The following CCNG2 variants were observed in gnomAD, a reference collection of about 807,000 sequenced individuals.
The protein encoded by CCNG2 is cyclin G2, also known as cyclin-G2.
A neutral mutation model predicts 36.5 loss-of-function variants in CCNG2; 20 were observed. The observed-to-expected ratio is 0.55, with a 90% CI of 0.39 to 0.80. The LOEUF (loss-of-function observed/expected upper bound fraction) is 0.80. CCNG2 is among the 30% of genes least tolerant of loss of function. The probability of loss-of-function intolerance (pLI) is 0.00; values close to 1 mark genes in which losing one functional copy is unlikely to be tolerated. For missense variants in CCNG2, 358 were observed against 390.8 expected (o/e 0.92, Z 0.71); for synonymous variants, 155 against 140.1 (o/e 1.11, Z -0.75).
chr4:77,162,111 C>T lies in CCNG2; in HGVS notation c.705+364C>T, dbSNP rs552404761. On this transcript the variant is annotated intron_variant, in intron 6 of 7. Coordinates refer to ENST00000316355, the MANE Select transcript of CCNG2 (RefSeq NM_004354.3). ...ATGGGATCCCATCACACCTGTAGGA[C>T]TGAACTGTCATCCCATTAGCAGCAG... Among the ~76,000 whole-genome samples, 16 of 152,338 alleles carry T rather than the reference C, an allele frequency of 1.1e-4. No individual in the cohort carries two copies. The East Asian group carries it at 3.1e-3, about 29-fold the overall frequency.
chr4:77,164,838 CTT>C (rs1384900629), intron 7 of CCNG2: 3 of 161,022 alleles, frequency 1.9e-5, no homozygotes, highest in East Asian at 1.8e-4. Context: ...CACTCGGCCT[CTT>C]TTCCCTTTTT....
intron 2 of CCNG2, 83 bp downstream of exon 2, chr4:77,158,753 C>T: frequency 2.8e-6 from 4 of 1,412,270 alleles, no homozygotes; most frequent in Non-Finnish European, 2.9e-6. Context: ...TGAATCATGA[C>T]TAAAGCCTGC....
intron 6 of CCNG2, among the ~76,000 whole-genome samples, chr4:77,163,145 T>TGAA (rs1731531926): frequency 6.6e-6 from 1 of 152,128 alleles, no homozygotes; most frequent in Admixed American, 6.5e-5. Context: ...GAATTTCTCA[T>TGAA]GAAGAAGCAG....
intron 3 of CCNG2, 85 bp from the exon 4 acceptor site, chr4:77,160,636 A>G (rs1193487485): frequency 7.5e-7 from 1 of 1,332,804 alleles, no homozygotes; most frequent in East Asian, 2.3e-5. Flanking sequence ...TTCTGTCTTA[A>G]GAATAGGAGC....
chr4:77,159,563 A>C, intron 3 of CCNG2, 59 bp downstream of exon 3: 1 of 1,518,690 alleles, frequency 6.6e-7, no homozygotes, highest in Non-Finnish European at 9.0e-7. Flanking sequence ...CCTAGCACAC[A>C]GGGTTCAAGA....
At position 77,158,523 on chromosome 4, in the gene CCNG2, T is replaced by C; in HGVS notation, c.1-10T>C. ...CAGATTACATTCTCTGTGTGGTGTCTTTACTGCAGATGAAGGATTTGGGGG... is the reference window on the plus strand; with the variant it reads ...CAGATTACATTCTCTGTGTGGTGTCCTTACTGCAGATGAAGGATTTGGGGG... On this transcript the variant is annotated splice_polypyrimidine_tract_variant and intron_variant, in intron 1 of 7. Transcript: ENST00000316355. 1.2e-6 allele frequency: 2 copies of C among 1,614,106 alleles called. No individual in the cohort carries two copies. The highest frequency in any genetic ancestry group is 1.7e-6 in the Non-Finnish European group (2 of 1,179,970).
At position 77,161,690 on chromosome 4, in the gene CCNG2, A is replaced by G; in HGVS notation, c.648A>G (p.Glu216=). 2 of 1,610,138 alleles carry G rather than the reference A, an allele frequency of 1.2e-6. No individual in the cohort carries two copies. The highest frequency in any genetic ancestry group is 1.7e-6 in the Non-Finnish European group (2 of 1,178,612). ...LALCLLNLEV[E]TLKSVELLEI... is the part of the protein sequence containing the mutation. ...TGTGCCTTCTCAATTTGGAAGTGGA[A>G]ACTTTGAAATCTGTTGAATTACTGG... Residue 216 remains glutamate, a synonymous_variant, in exon 6 of 8, where the codon GAA becomes GAG. Coordinates refer to ENST00000316355, the MANE Select transcript of CCNG2 (RefSeq NM_004354.3).
chr4:77,165,379 G>T (rs1226547559), intron 7 of CCNG2, among the ~76,000 whole-genome samples: 2 of 151,410 alleles, frequency 1.3e-5, no homozygotes, highest in Admixed American at 1.3e-4. Flanking sequence ...TAATAGTTTG[G>T]CAAATAGTAA....
chr4:77,157,968 C>T (rs949292208), intron 1 of CCNG2, among the ~76,000 whole-genome samples: 4 of 152,004 alleles, frequency 2.6e-5, no homozygotes, highest in African/African-American at 7.2e-5. Context: ...ATCCGCCTCT[C>T]GGGTAAGTCC....
chr4:77,164,557 G>A lies in CCNG2; in HGVS notation c.911+78G>A. ...TTATTATACTCAGAACTGGAATAGTGTAAGACATCAGAGAAAGCAAGCACC... is the reference window on the plus strand; with the variant it reads ...TTATTATACTCAGAACTGGAATAGTATAAGACATCAGAGAAAGCAAGCACC... On this transcript the variant is annotated intron_variant, in intron 7 of 7. Coordinates refer to ENST00000316355, the MANE Select transcript of CCNG2 (RefSeq NM_004354.3). 6 of 1,071,542 alleles carry A rather than the reference G, an allele frequency of 5.6e-6. 1 individual carries two copies. Among genetic ancestry groups the A allele is most frequent in the South Asian group, 4.4e-5 (3 of 68,566 alleles). 66.4% of individuals were successfully genotyped at this position (1,071,542 alleles called of 1,614,324 possible).
At position 77,158,526 on chromosome 4, in the gene CCNG2, A is replaced by G; in HGVS notation, c.1-7A>G. On this transcript the variant is annotated splice_polypyrimidine_tract_variant and splice_region_variant and intron_variant, in intron 1 of 7. Transcript: ENST00000316355. ...ATTACATTCTCTGTGTGGTGTCTTT[A>G]CTGCAGATGAAGGATTTGGGGGCAG... 1 of 1,613,990 alleles carries G rather than the reference A, an allele frequency of 6.2e-7. No homozygotes were observed. Among genetic ancestry groups the G allele is most frequent in the African/African-American group, 1.3e-5 (1 of 75,000 alleles).
intron 7 of CCNG2, 41 bp downstream of exon 7, chr4:77,164,520 A>G: frequency 7.0e-7 from 1 of 1,428,924 alleles, no homozygotes. Flanking sequence ...CCTAGACTAA[A>G]TATTACTGAG....
rs1013414476 is a variant in CCNG2, at chr4:77,167,102, TGAC to T, written c.*1179_*1181del. 2.0e-5 allele frequency: 3 copies of T among 152,250 alleles called. No homozygotes were observed. Among genetic ancestry groups the T allele is most frequent in the African/African-American group, 7.2e-5 (3 of 41,470 alleles). 9.4% of individuals were successfully genotyped at this position (152,250 alleles called of 1,614,324 possible). ...TTCTGTAGTATAAATCATACATTGA[TGAC>T]TTACATTTTTACTGGTAAGTCAACA... is the stretch of plus-strand genomic sequence containing the variant. On this transcript the variant is annotated 3_prime_UTR_variant, in exon 8 of 8. Coordinates refer to ENST00000316355, the MANE Select transcript of CCNG2 (RefSeq NM_004354.3).
rs773127821 is a variant in CCNG2, at chr4:77,158,597, A to G, written c.65A>G (p.Asn22Ser). The G allele has an allele frequency of 6.2e-7, 1 of 1,614,016 alleles. No individual in the cohort carries two copies. The highest frequency in any genetic ancestry group is 8.5e-7 in the Non-Finnish European group (1 of 1,180,022). ...HEGVQLLGLL[N>S]VYLEQEERFQ... ...GGGGTCCAACTTCTCGGGTTGTTGA[A>G]CGTCTACCTGGAACAAGAAGAGAGA... is the stretch of plus-strand genomic sequence containing the variant. Residue 22 changes from asparagine to serine, a missense_variant, in exon 2 of 8, where the codon AAC becomes AGC. By Grantham distance (46) the Asn-to-Ser change is conservative. Coordinates refer to ENST00000316355, the MANE Select transcript of CCNG2 (RefSeq NM_004354.3).
At chr4:77,163,524 A>G (rs2109920985) in intron 6 of CCNG2, among the ~76,000 whole-genome samples, 1 of 152,320 alleles carries the variant, frequency 6.6e-6, no homozygotes, top group Non-Finnish European at 1.5e-5. Context: ...TGTGCATGTG[A>G]AGCATTTTGT....
intron 1 of CCNG2, chr4:77,158,212 C>T (rs994489341): frequency 2.1e-5 from 7 of 335,050 alleles, no homozygotes; most frequent in African/African-American, 1.5e-4. Flanking sequence ...CTCCCTGGCG[C>T]GACTTCAGGT....
rs886301489 is a variant in CCNG2, at chr4:77,168,526, C to T, written c.*2602C>T. The T allele has an allele frequency of 6.6e-6, 1 of 152,206 alleles. No homozygotes were observed. 9.4% of individuals were successfully genotyped at this position (152,206 alleles called of 1,614,324 possible). A position where few individuals can be genotyped will look rare whatever the true frequency, so the allele number is the denominator to read the frequency against. On this transcript the variant is annotated 3_prime_UTR_variant, in exon 8 of 8. Coordinates refer to ENST00000316355, the MANE Select transcript of CCNG2 (RefSeq NM_004354.3). ...TGTCTAATCTGAACACTGCACCTGT[C>T]TCTGGCCTTTTTTTCTTGTCATTTC...
chr4:77,164,077 A>G (rs760200880), intron 6 of CCNG2, among the ~76,000 whole-genome samples, 197 bp from the exon 7 acceptor site: 14 of 152,268 alleles, frequency 9.2e-5, no homozygotes, highest in Non-Finnish European at 1.5e-4. Flanking sequence ...GCACATTACA[A>G]TCACCTAGGG....
chr4:77,165,355 A>C (rs1437600142), intron 7 of CCNG2, among the ~76,000 whole-genome samples: 1 of 152,192 alleles, frequency 6.6e-6, no homozygotes, highest in Non-Finnish European at 1.5e-5. Flanking sequence ...GATAGTTATT[A>C]ATTGGTACAA....
Sources: allele counts gnomAD v4.1 joint callset (sites outside exome capture counted in the v4.1 genomes callset), GRCh38; gene constraint gnomAD v4.1.1; transcripts MANE v1.5; gene names NCBI Gene and HGNC (gene_info 2026-07-23, HGNC 2026-07-21).